SYT17: variants seen among roughly 807,000 people sequenced by gnomAD.
SYT17 encodes synaptotagmin-17.
In SYT17, 22 loss-of-function variants were observed where a neutral mutation model predicts 46.7. The observed-to-expected ratio is 0.47, with a 90% CI of 0.34 to 0.67. The LOEUF is 0.67. Ranked by LOEUF, SYT17 falls within the 30% of genes least tolerant of loss-of-function variation. SYT17 has a pLI of 0.01. For missense variants in SYT17, 519 were observed against 612.8 expected, an observed-to-expected ratio of 0.85 and a Z score of 1.62; for synonymous variants, 251 against 248.4, an observed-to-expected ratio of 1.01 and a Z score of -0.10.
chr16:19,205,058 C>T (rs1006378794), intron 5 of SYT17, among the ~76,000 whole-genome samples: 4 of 152,208 alleles, frequency 2.6e-5, no homozygotes, highest in South Asian at 2.1e-4. Context: ...AGTGTTAGGA[C>T]GCCCCTCATG....
chr16:19,217,414 C>G (rs1039986658), intron 5 of SYT17, among the ~76,000 whole-genome samples: 1 of 152,116 alleles, frequency 6.6e-6, no homozygotes, highest in Admixed American at 6.5e-5. Flanking sequence ...CACTCATCTA[C>G]TTTCTATCTC....
intron 7 of SYT17, among the ~76,000 whole-genome samples, chr16:19,234,713 A>G (rs1386702497): frequency 6.6e-6 from 1 of 152,222 alleles, no homozygotes; most frequent in African/African-American, 2.4e-5. Flanking sequence ...ACTTTTGTGT[A>G]AAGTGTAGCA....
chr16:19,253,456 A>G (rs948943346), intron 7 of SYT17, among the ~76,000 whole-genome samples: 1 of 152,090 alleles, frequency 6.6e-6, no homozygotes, highest in Non-Finnish European at 1.5e-5. Flanking sequence ...CTGTAGTCCC[A>G]GGTCCTTGGG....
Position 19,233,782 on chromosome 16 carries a change from G to C in SYT17, c.1228+8944G>C, listed in dbSNP as rs191382862. 1.2e-4 allele frequency among the ~76,000 whole-genome samples: 18 copies of C among 152,350 alleles called. No homozygotes were observed. The East Asian group carries it at 2.5e-3, about 21-fold the overall frequency. The stretch of plus-strand genomic sequence containing the variant: ...CTGAGTGGGGCAGAGCATTCTGAGA[G>C]AGCCTGAAATTCTCCTGGGATGGAG... On this transcript the variant is annotated intron_variant, in intron 7 of 7. Coordinates refer to ENST00000355377, the MANE Select transcript of SYT17 (RefSeq NM_016524.4).
intron 5 of SYT17, among the ~76,000 whole-genome samples, chr16:19,207,928 A>G (rs1965735644): frequency 6.6e-6 from 1 of 152,170 alleles, no homozygotes; most frequent in South Asian, 2.1e-4. Context: ...GAAAGAAAGA[A>G]AGAAAATGGA....
chr16:19,240,414 C>T (rs1967008973), intron 7 of SYT17, among the ~76,000 whole-genome samples: 1 of 152,174 alleles, frequency 6.6e-6, no homozygotes, highest in South Asian at 2.1e-4. Flanking sequence ...AGGGTAGCTT[C>T]TCTCTGCTAG....
intron 7 of SYT17, among the ~76,000 whole-genome samples, chr16:19,257,318 C>CA (rs1479357123): frequency 6.7e-6 from 1 of 148,352 alleles, no homozygotes; most frequent in Non-Finnish European, 1.5e-5. Context: ...AAAAAGAACT[C>CA]AAAATCTACA....
chr16:19,266,674 G>A (rs1355294472), intron 7 of SYT17, among the ~76,000 whole-genome samples: 1 of 152,194 alleles, frequency 6.6e-6, no homozygotes, highest in Non-Finnish European at 1.5e-5. Context: ...AGGTGCAGCT[G>A]TTGCAGAGAC....
At chr16:19,191,994 C>T (rs781264180) in intron 5 of SYT17, among the ~76,000 whole-genome samples, 1 of 152,182 alleles carries the variant, frequency 6.6e-6, no homozygotes, top group African/African-American at 2.4e-5. Context: ...CCATGTTAGC[C>T]AGGATGGTCT....
intron 5 of SYT17, among the ~76,000 whole-genome samples, chr16:19,188,535 A>AAAAG (rs1444703878): frequency 2.0e-5 from 3 of 151,404 alleles, no homozygotes. Context: ...AAAAAAAAAA[A>AAAAG]AAAGAAAGAA....
At chr16:19,242,089 A>G (rs141516021) in intron 7 of SYT17, among the ~76,000 whole-genome samples, 1 of 152,334 alleles carries the variant, frequency 6.6e-6, no homozygotes, top group African/African-American at 2.4e-5. Flanking sequence ...CTGAGCTCTC[A>G]GTTACTGGGT....
chr16:19,255,457 G>A (rs981164957), intron 7 of SYT17, among the ~76,000 whole-genome samples: 1 of 152,092 alleles, frequency 6.6e-6, no homozygotes, highest in African/African-American at 2.4e-5. Context: ...CCTCCAGATT[G>A]TGGGGTAAAA....
intron 5 of SYT17, among the ~76,000 whole-genome samples, chr16:19,220,836 C>A (rs1456133029): frequency 6.6e-6 from 1 of 152,116 alleles, no homozygotes; most frequent in Non-Finnish European, 1.5e-5. Flanking sequence ...CTAAATCAAC[C>A]TAGCAGGATT....
At chr16:19,207,761 G>A (rs1391157779) in intron 5 of SYT17, among the ~76,000 whole-genome samples, 1 of 152,110 alleles carries the variant, frequency 6.6e-6, no homozygotes. Context: ...TGAAAATGGG[G>A]CCAGGCACAG....
At chr16:19,202,216 C>T (rs1165096154) in intron 5 of SYT17, among the ~76,000 whole-genome samples, 1 of 152,190 alleles carries the variant, frequency 6.6e-6, no homozygotes, top group Non-Finnish European at 1.5e-5. Flanking sequence ...CCCAGGGTGC[C>T]ACCTGTACCT....
At chr16:19,229,736 G>A (rs1472004812) in intron 7 of SYT17, among the ~76,000 whole-genome samples, 1 of 152,188 alleles carries the variant, frequency 6.6e-6, no homozygotes, top group Non-Finnish European at 1.5e-5. Flanking sequence ...TGAAAGCAGG[G>A]ACTCAAACTC....
chr16:19,258,600 C>A (rs747933138), intron 7 of SYT17, among the ~76,000 whole-genome samples: 6 of 152,096 alleles, frequency 3.9e-5, no homozygotes, highest in Non-Finnish European at 7.4e-5. Flanking sequence ...TGAGATCATA[C>A]CACTGCACTC....
At chr16:19,188,855 A>G (rs1228824652) in intron 5 of SYT17, among the ~76,000 whole-genome samples, 1 of 151,968 alleles carries the variant, frequency 6.6e-6, no homozygotes, top group Non-Finnish European at 1.5e-5. Context: ...CTAACGTCAC[A>G]TGGACATTTT....
intron 7 of SYT17, among the ~76,000 whole-genome samples, chr16:19,251,593 G>A (rs1968073145): frequency 6.6e-6 from 1 of 152,166 alleles, no homozygotes; most frequent in Non-Finnish European, 1.5e-5. Context: ...GGGCAGGTGG[G>A]TTAGCACCAG....
Sources: gnomAD v4.1 joint callset for allele counts (sites outside exome capture counted in the v4.1 genomes callset) on GRCh38, gnomAD v4.1.1 for gene constraint, MANE v1.5 for transcripts, NCBI Gene and HGNC (gene_info 2026-07-23, HGNC 2026-07-21) for gene names.